PAPLN: variants seen among roughly 807,000 people sequenced by gnomAD.
PAPLN encodes the protein papilin, proteoglycan like sulfated glycoprotein, also known as papilin.
PAPLN carries 146 observed loss-of-function variants against 159.0 expected under a neutral mutation model. The ratio of observed to expected loss-of-function variants is 0.92; its 90% confidence interval spans 0.80 to 1.05. PAPLN has a LOEUF of 1.05. Ranked by LOEUF, PAPLN falls within the 50% of genes least tolerant of loss-of-function variation. The probability of loss-of-function intolerance (pLI) is 0.00; values close to 1 mark genes in which losing one functional copy is unlikely to be tolerated. For synonymous variants in PAPLN, 734 were observed against 702.9 expected (o/e 1.04, Z -0.70); for missense variants, 1,720 against 1,743.9 (o/e 0.99, Z 0.24).
Position 73,268,496 on chromosome 14 carries a change from C to T in PAPLN, c.3501-61C>T. The T allele has an allele frequency of 9.1e-6, 14 of 1,530,834 alleles. 1 individual carries two copies. The highest frequency in any genetic ancestry group is 3.7e-5 in the South Asian group (3 of 80,292). 94.8% of individuals were successfully genotyped at this position (1,530,834 alleles called of 1,614,324 possible). On this transcript the variant is annotated intron_variant, in intron 25 of 26. Coordinates refer to ENST00000644200, the MANE Select transcript of PAPLN (RefSeq NM_001365906.3). ...TGGAATGGCCTTTGATTACCTCTTC[C>T]CTCTGTCTCCCAGACCTCCAGAGGC...
At chr14:73,239,221 A>G (rs1462024153) in intron 1 of PAPLN, among the ~76,000 whole-genome samples, 3 of 152,228 alleles carry the variant, frequency 2.0e-5, no homozygotes, top group Non-Finnish European at 2.9e-5. Context: ...CGCACACTGC[A>G]CTGCATACAC....
At chr14:73,239,965 C>A in intron 2 of PAPLN, 133 bp downstream of exon 2, 1 of 1,414,322 alleles carries the variant, frequency 7.1e-7, no homozygotes, top group Non-Finnish European at 9.2e-7. Flanking sequence ...GGCGAGCCCG[C>A]ACCGCTGAGC....
chr14:73,246,524 C>A (rs1462713548), intron 5 of PAPLN, among the ~76,000 whole-genome samples: 1 of 150,662 alleles, frequency 6.6e-6, no homozygotes, highest in Non-Finnish European at 1.5e-5. Context: ...CGAGAGAGAG[C>A]AAGAGGTCTC....
At chr14:73,252,253 G>T in intron 10 of PAPLN, 112 bp downstream of exon 10, 2 of 1,402,112 alleles carry the variant, frequency 1.4e-6, no homozygotes, top group Non-Finnish European at 9.3e-7. Context: ...TGGGGAGATG[G>T]ACAAGTAGGC....
At chr14:73,244,831 G>C in intron 3 of PAPLN, 72 bp downstream of exon 3, 1 of 1,297,176 alleles carries the variant, frequency 7.7e-7, no homozygotes, top group Non-Finnish European at 1.0e-6. Context: ...TGGTGGGCTA[G>C]GTGGTCGTGG....
chr14:73,248,104 T>TGTGC (rs1204360390), intron 5 of PAPLN, among the ~76,000 whole-genome samples: 4 of 103,482 alleles, frequency 3.9e-5, no homozygotes, highest in Non-Finnish European at 7.7e-5. Flanking sequence ...TGTGTGTGTG[T>TGTGC]GTGCGCGTGT....
In PAPLN at chr14:73,261,334, C is replaced by A. The variant is rs757280427; in HGVS notation, c.2245+40C>A. The A allele has an allele frequency of 5.0e-6, 8 of 1,600,526 alleles. No individual in the cohort carries two copies. The South Asian group carries it at 7.8e-5, about 16-fold the overall frequency. On this transcript the variant is annotated intron_variant, in intron 18 of 26. Coordinates refer to ENST00000644200, the MANE Select transcript of PAPLN (RefSeq NM_001365906.3). The stretch of plus-strand genomic sequence containing the variant: ...CCTCTCCTCCTTCTCGATGGGTAGA[C>A]TCTGCTCCCACCATGCCTCCAGCCC...
intron 14 of PAPLN, among the ~76,000 whole-genome samples, chr14:73,255,597 C>G (rs1159538245): frequency 6.7e-6 from 1 of 150,234 alleles, no homozygotes; most frequent in East Asian, 2.0e-4. Context: ...AGAAAGGGCA[C>G]TGAGGCCAGT....
At chr14:73,251,052 G>T (rs1246562175) in intron 7 of PAPLN, 22 bp downstream of exon 7, 2 of 1,600,724 alleles carry the variant, frequency 1.2e-6, no homozygotes, top group African/African-American at 1.3e-5. Flanking sequence ...TCCGACAAGG[G>T]GCAGTTGCCT....
At position 73,238,369 on chromosome 14, in the gene PAPLN, G is replaced by T. The variant is rs28594747; in HGVS notation, c.-7+777G>T. On this transcript the variant is annotated intron_variant, in intron 1 of 26. Transcript: ENST00000644200. ...CGGCAGGAGAGGTCGAGCTTCCACG[G>T]CCCTCGGAGTAGCCCCGTGACCAGA... is the stretch of plus-strand genomic sequence containing the variant. Among the ~76,000 whole-genome samples the T allele has an allele frequency of 6.0e-3, 920 of 152,356 alleles. 9 individuals carry two copies. Among genetic ancestry groups the T allele is most frequent in the African/African-American group, 0.02 (852 of 41,594 alleles).
chr14:73,262,234 A>C, intron 18 of PAPLN, 116 bp from the exon 19 acceptor site: 1 of 1,045,348 alleles, frequency 9.6e-7, no homozygotes, highest in African/African-American at 1.6e-5. Flanking sequence ...ACAGGGGTGT[A>C]GACATGCTTT....
upstream of PAPLN, among the ~76,000 whole-genome samples, chr14:73,236,139 TC>T (rs1188813657): frequency 6.6e-6 from 1 of 152,056 alleles, no homozygotes; most frequent in Non-Finnish European, 1.5e-5. Context: ...AGGACCAGTT[TC>T]TAAAGATGAG....
chr14:73,268,461 C>T (rs533599425), intron 25 of PAPLN, 96 bp from the exon 26 acceptor site: 37 of 1,302,766 alleles, frequency 2.8e-5, no homozygotes, highest in Admixed American at 4.6e-5. Flanking sequence ...GGGGTGGGAA[C>T]GGTTGGCTCT....
chr14:73,260,904 C>G lies in PAPLN; in HGVS notation c.2106+75C>G, dbSNP rs549293620. ...GCTCAGTGTCACTGTGACCCAGGAT[C>G]TTTGCCGCTTTGGCCTCGGAGAAAG... On this transcript the variant is annotated intron_variant, in intron 17 of 26. Transcript: ENST00000644200. 210 of 1,488,408 alleles carry G rather than the reference C, an allele frequency of 1.4e-4. 2 individuals are homozygous for G. The Middle Eastern group carries it at 3.4e-3, about 24-fold the overall frequency. 92.2% of individuals were successfully genotyped at this position (1,488,408 alleles called of 1,614,324 possible). A position where few individuals can be genotyped will look rare whatever the true frequency, so the allele number is the denominator to read the frequency against.
rs1335128438 is a variant in PAPLN, at chr14:73,252,048, C to A, written c.874C>A (p.His292Asn). 1 of 1,612,434 alleles carries A rather than the reference C, an allele frequency of 6.2e-7. No homozygotes were observed. The highest frequency in any genetic ancestry group is 1.3e-5 in the African/African-American group (1 of 75,020). Residue 292 changes from histidine to asparagine, a missense_variant, in exon 10 of 27, where the codon CAC becomes AAC. Transcript: ENST00000644200. The stretch of plus-strand genomic sequence containing the variant: ...CAGCCAGGAGCCCAACCCCGGTGTG[C>A]ACTATGAGTACCACCTGCCCCTGCG... ...LISQEPNPGV[H>N]YEYHLPLRRP... is the part of the protein sequence containing the mutation.
At position 73,273,717 on chromosome 14, in the gene PAPLN, G is replaced by A. The variant is rs1388763253; in HGVS notation, c.*1053G>A. Reference sequence around the variant, plus strand: ...GGGCATGCCAAGTCCTGCTGTATCAGGGAAGTATTCTGTGCTAAAATCAGC... The same window carrying A: ...GGGCATGCCAAGTCCTGCTGTATCAAGGAAGTATTCTGTGCTAAAATCAGC... On this transcript the variant is annotated 3_prime_UTR_variant, in exon 27 of 27. Coordinates refer to ENST00000644200, the MANE Select transcript of PAPLN (RefSeq NM_001365906.3). 1 of 152,242 alleles carries A rather than the reference G, an allele frequency of 6.6e-6. No homozygotes were observed. Among genetic ancestry groups the A allele is most frequent in the Non-Finnish European group, 1.5e-5 (1 of 68,054 alleles). The allele number at this position is 152,242 out of a possible 1,614,324, so 9.4% of individuals were successfully genotyped here. A position where few individuals can be genotyped will look rare whatever the true frequency, so the allele number is the denominator to read the frequency against.
rs145486339 is a variant in PAPLN, at chr14:73,242,244, T to C, written c.55-2400T>C. 2.5e-3 allele frequency among the ~76,000 whole-genome samples: 387 copies of C among 152,344 alleles called. 1 individual carries two copies. Among genetic ancestry groups the C allele is most frequent in the African/African-American group, 8.8e-3 (365 of 41,584 alleles). On this transcript the variant is annotated intron_variant, in intron 2 of 26. Transcript: ENST00000644200. ...GGGCACAGGAGGCAAGAGGGCATTC[T>C]GGAAACAGCATGTCCCTTAGGGGGC...
At chr14:73,264,429 A>G (rs1030422212) in intron 21 of PAPLN, 94 bp downstream of exon 21, 4 of 1,539,146 alleles carry the variant, frequency 2.6e-6, no homozygotes, top group Non-Finnish European at 3.5e-6. Context: ...CTCACGCTAG[A>G]GGGGCCCAGG....
At position 73,246,186 on chromosome 14, in the gene PAPLN, C is replaced by A; in HGVS notation, c.334+11C>A. 6.4e-7 allele frequency: 1 copy of A among 1,565,268 alleles called. No individual in the cohort carries two copies. Among genetic ancestry groups the A allele is most frequent in the East Asian group, 2.4e-5 (1 of 41,030 alleles). On this transcript the variant is annotated intron_variant, in intron 5 of 26. Transcript: ENST00000644200. ...TGCCCTACTACAGCGGTGAGCGCGG[C>A]CGGGACTCGCTCTCTCGGGGCCTCT... is the stretch of plus-strand genomic sequence containing the variant.
Sources: allele counts gnomAD v4.1 joint callset (sites outside exome capture counted in the v4.1 genomes callset), GRCh38; gene constraint gnomAD v4.1.1; transcripts MANE v1.5; gene names NCBI Gene and HGNC (gene_info 2026-07-23, HGNC 2026-07-21).